LRP10: variants seen among roughly 807,000 people sequenced by gnomAD.
The protein encoded by LRP10 is LDL receptor related protein 10, also known as low-density lipoprotein receptor-related protein 10.
A neutral mutation model predicts 58.5 loss-of-function variants in LRP10; 42 were observed. The ratio of observed to expected loss-of-function variants is 0.72; its 90% CI spans 0.56 to 0.93. LRP10 has a LOEUF of 0.93. LRP10 is among the 40% of genes least tolerant of loss of function. The pLI is 0.00. For synonymous variants in LRP10, 377 were observed against 388.5 expected, an observed-to-expected ratio of 0.97 and a Z score of 0.35; for missense variants, 872 against 940.1, an observed-to-expected ratio of 0.93 and a Z score of 0.95.
Position 22,877,779 on chromosome 14 carries a change from C to A in LRP10, c.*252C>A. The A allele has an allele frequency of 2.3e-5, 9 of 398,574 alleles. No individual in the cohort carries two copies. Among genetic ancestry groups the A allele is most frequent in the South Asian group, 8.0e-5 (1 of 12,454 alleles). The allele number at this position is 398,574 out of a possible 1,614,324, so 24.7% of individuals were successfully genotyped here. A position where few individuals can be genotyped will look rare whatever the true frequency, so the allele number is the denominator to read the frequency against. ...ACCCCAGTCCCTTCACCACCACCTG[C>A]TCCCCACGCCACCACCATTTGGGTG... On this transcript the variant is annotated 3_prime_UTR_variant, in exon 7 of 7. Coordinates refer to ENST00000359591, the MANE Select transcript of LRP10 (RefSeq NM_014045.5). The surrounding 1 kb of genome is among the most constrained non-coding windows in gnomAD (Gnocchi z 5.1).
At position 22,880,624 on chromosome 14, in the gene LRP10, C is replaced by T. The variant is rs2040052551; in HGVS notation, c.*3097C>T. 6.6e-6 allele frequency: 1 copy of T among 152,058 alleles called. No homozygotes were observed. Among genetic ancestry groups the T allele is most frequent in the Non-Finnish European group, 1.5e-5 (1 of 68,042 alleles). The allele number at this position is 152,058 out of a possible 1,614,324, so 9.4% of individuals were successfully genotyped here. A position where few individuals can be genotyped will look rare whatever the true frequency, so the allele number is the denominator to read the frequency against. On this transcript the variant is annotated 3_prime_UTR_variant, in exon 7 of 7. Transcript: ENST00000359591. Reference sequence around the variant, plus strand: ...TAGATTTAAAAAAAAAATCATGGGCCTGAACCAAGCTCCAGACCTCACTAG... The same window carrying T: ...TAGATTTAAAAAAAAAATCATGGGCTTGAACCAAGCTCCAGACCTCACTAG...
rs139720236 is a variant in LRP10, at chr14:22,877,403, G to A, written c.2018G>A (p.Arg673Gln). The A allele has an allele frequency of 8.1e-6, 13 of 1,613,646 alleles. No individual in the cohort carries two copies. The highest frequency in any genetic ancestry group is 2.2e-5 in the East Asian group (1 of 44,892). The stretch of plus-strand genomic sequence containing the variant: ...AGCCTGGGGCCCCCAGGACCAACCC[G>A]GAGCCCCCCTGGACCCCACACAGCA... ...LPSLGPPGPT[R>Q]SPPGPHTAVL... The change falls in exon 7 of 7, where the codon CGG (arginine) becomes CAG (glutamine). Residue 673 changes from arginine to glutamine, a missense_variant. Transcript: ENST00000359591. This position sits in a 1 kb window ranked among gnomAD's most constrained non-coding sequence, Gnocchi z 5.1.
chr14:22,873,386 C>A lies in LRP10; in HGVS notation c.155C>A (p.Thr52Asn). The part of the protein sequence containing the change: ...LQRPLVRDSR[T>N]SPANCTWLIL... ...AGGCCCCTGGTCCGGGACAGCCGCA[C>A]CTCCCCTGCCAACTGCACCTGGCTC... Residue 52 changes from threonine to asparagine, a missense_variant, in exon 3 of 7, where the codon ACC (threonine) becomes AAC (asparagine). Coordinates refer to ENST00000359591, the MANE Select transcript of LRP10 (RefSeq NM_014045.5). 1 of 1,614,160 alleles carries A rather than the reference C, an allele frequency of 6.2e-7. No individual in the cohort carries two copies. The highest frequency in any genetic ancestry group is 2.2e-5 in the East Asian group (1 of 44,886).
Position 22,876,703 on chromosome 14 carries a change from T to C in LRP10, c.1439T>C (p.Leu480Pro), listed in dbSNP as rs377543292. The C allele has an allele frequency of 3.7e-6, 6 of 1,613,528 alleles. No homozygotes were observed. In the African/African-American group the frequency reaches 6.7e-5, roughly 18 times the overall value. Reference sequence around the variant, plus strand: ...ATTCCTTCTAGCATCTTTGCCCCCCTCTCCCGGATGGAGGCTGAGATTGTG... The same window carrying C: ...ATTCCTTCTAGCATCTTTGCCCCCCCCTCCCGGATGGAGGCTGAGATTGTG... ...RTQEYSIFAP[L>P]SRMEAEIVQQ... Residue 480 changes from leucine to proline, a missense_variant, in exon 6 of 7, where the codon CTC becomes CCC. Coordinates refer to ENST00000359591, the MANE Select transcript of LRP10 (RefSeq NM_014045.5).
At position 22,875,556 on chromosome 14, in the gene LRP10, TCTC is replaced by T. The variant is rs1186598270; in HGVS notation, c.612_614del (p.Ser205del). ...ACCTTGGAGGACTTCTATGGGGTCT[TCTC>T]CTCTCCTGGATATACACACCTAGCC... is the stretch of plus-strand genomic sequence containing the variant. On this transcript the variant is annotated inframe_deletion, in exon 5 of 7. Transcript: ENST00000359591. The T allele has an allele frequency of 1.2e-6, 2 of 1,613,972 alleles. No homozygotes were observed. Among genetic ancestry groups the T allele is most frequent in the African/African-American group, 1.3e-5 (1 of 74,998 alleles).
chr14:22,874,465 T>C (rs766848262), intron 3 of LRP10, among the ~76,000 whole-genome samples: 1 of 152,238 alleles, frequency 6.6e-6, no homozygotes, highest in Non-Finnish European at 1.5e-5. Context: ...GTGCACCTCT[T>C]CTTAACTCAG....
In LRP10 at chr14:22,876,134, T is replaced by A; in HGVS notation, c.1186T>A (p.Cys396Ser). Reference protein sequence around the residue: ...FCADGADERRCRHCQPGNFRC... With the variant: ...FCADGADERRSRHCQPGNFRC... ...TGCTGATGGAGCAGATGAGAGACGC[T>A]GTCGGCATTGCCAGCCTGGCAATTT... Residue 396 changes from cysteine (C) to serine (S), a missense_variant, in exon 5 of 7, where the codon TGT (cysteine) becomes AGT (serine). By Grantham distance (112) the Cys-to-Ser change is moderately radical (BLOSUM62 -1). Coordinates refer to ENST00000359591, the MANE Select transcript of LRP10 (RefSeq NM_014045.5). The A allele has an allele frequency of 1.2e-6, 2 of 1,614,214 alleles. No individual in the cohort carries two copies. The highest frequency in any genetic ancestry group is 1.7e-6 in the Non-Finnish European group (2 of 1,180,048).
In LRP10 at chr14:22,881,583, T is replaced by G. The variant is rs1566496851; in HGVS notation, c.*4056T>G. On this transcript the variant is annotated 3_prime_UTR_variant, in exon 7 of 7. Coordinates refer to ENST00000359591, the MANE Select transcript of LRP10 (RefSeq NM_014045.5). ...GCATATGAGTGCTTTAAATGTTATT[T>G]TGTGTGTGTGTGGTGTTGCCTCCCT... The G allele has an allele frequency of 6.6e-6, 1 of 152,134 alleles. No homozygotes were observed. The highest frequency in any genetic ancestry group is 1.9e-4 in the East Asian group (1 of 5,198). 9.4% of individuals were successfully genotyped at this position (152,134 alleles called of 1,614,324 possible).
chr14:22,878,044 G>A lies in LRP10; in HGVS notation c.*517G>A, dbSNP rs557405355. On this transcript the variant is annotated 3_prime_UTR_variant, in exon 7 of 7. Transcript: ENST00000359591. ...TATTCCATAGCTACGGCATTGCTCAGTAAGTTGAGGTCAAAAATAAAGGAA... is the reference window on the plus strand; with the variant it reads ...TATTCCATAGCTACGGCATTGCTCAATAAGTTGAGGTCAAAAATAAAGGAA... 10 of 152,844 alleles carry A rather than the reference G, an allele frequency of 6.5e-5. No individual in the cohort carries two copies. The highest frequency in any genetic ancestry group is 3.9e-4 in the Admixed American group (6 of 15,312). The allele number at this position is 152,844 out of a possible 1,614,324, so 9.5% of individuals were successfully genotyped here. A position where few individuals can be genotyped will look rare whatever the true frequency, so the allele number is the denominator to read the frequency against.
rs375605405 is a variant in LRP10 at position 22,876,252 on chromosome 14, A to G, written c.1304A>G (p.Tyr435Cys). The G allele has an allele frequency of 1.9e-5, 31 of 1,614,050 alleles. No individual in the cohort carries two copies. The highest frequency in any genetic ancestry group is 4.0e-5 in the African/African-American group (3 of 74,930). Residue 435 changes from tyrosine (Y) to cysteine (C), a missense_variant, in exon 5 of 7, where the codon TAT (tyrosine) becomes TGT (cysteine). Transcript: ENST00000359591. Reference protein sequence around the residue: ...ADGSDEWDCSYVLPRKVITAA... With the variant: ...ADGSDEWDCSCVLPRKVITAA... ...GGCAGTGATGAGTGGGACTGCTCCT[A>G]TGTTCTGCCCCGCAAGGTCATTACA...
Position 22,877,321 on chromosome 14 carries a change from C to G in LRP10, c.1936C>G (p.Leu646Val). The G allele has an allele frequency of 6.2e-7, 1 of 1,612,352 alleles. No individual in the cohort carries two copies. Among genetic ancestry groups the G allele is most frequent in the African/African-American group, 1.3e-5 (1 of 75,028 alleles). The change falls in exon 7 of 7, where the codon CTA becomes GTA. Residue 646 changes from leucine (L) to valine (V), a missense_variant. Transcript: ENST00000359591. This position sits in a 1 kb window ranked among gnomAD's most constrained non-coding sequence, Gnocchi z 5.1. ...EAPGPLPSLP[L>V]EPSLLSGVVQ... ...CCCAGGGCCACTGCCCTCACTGCCC[C>G]TAGAGCCATCACTATTGTCTGGAGT...
rs551137343 is a variant in LRP10, at chr14:22,873,062, A to G, written c.80-249A>G. ...CAGTATTTCCTGCTCCTCCTGGTTC[A>G]GTGGCTGGCACAAAGCAGACGTCAG... On this transcript the variant is annotated intron_variant, in intron 2 of 6. Coordinates refer to ENST00000359591, the MANE Select transcript of LRP10 (RefSeq NM_014045.5). 105 of 601,868 alleles carry G rather than the reference A, an allele frequency of 1.7e-4. No homozygotes were observed. The South Asian group carries it at 2.1e-3, about 12-fold the overall frequency. The allele number at this position is 601,868 out of a possible 1,614,324, so 37.3% of individuals were successfully genotyped here.
At position 22,872,953 on chromosome 14, in the gene LRP10, A is replaced by G. The variant is rs912588457; in HGVS notation, c.79+171A>G. The G allele has an allele frequency of 2.6e-4, 170 of 661,210 alleles. 1 individual carries two copies. The highest frequency in any genetic ancestry group is 3.6e-4 in the Non-Finnish European group (137 of 383,322). 41.0% of individuals were successfully genotyped at this position (661,210 alleles called of 1,614,324 possible). A position where few individuals can be genotyped will look rare whatever the true frequency, so the allele number is the denominator to read the frequency against. Reference sequence around the variant, plus strand: ...GGCTCGGTGTGGACCTTCATCTGGTAGTTGCTATGTACTATTTTATTTTTT... The same window carrying G: ...GGCTCGGTGTGGACCTTCATCTGGTGGTTGCTATGTACTATTTTATTTTTT... On this transcript the variant is annotated intron_variant, in intron 2 of 6. Coordinates refer to ENST00000359591, the MANE Select transcript of LRP10 (RefSeq NM_014045.5).
intron 2 of LRP10, 29 bp from the exon 3 acceptor site, chr14:22,873,282 C>T (rs1387649208): frequency 1.9e-6 from 3 of 1,602,894 alleles, no homozygotes; most frequent in Admixed American, 1.7e-5. Flanking sequence ...GGGCTGTCTA[C>T]TACCCGTGTC....
chr14:22,876,811 C>A lies in LRP10; in HGVS notation c.1547C>A (p.Pro516His), dbSNP rs759840747. ...GTAGAAGACTTTCCTACAGAGAATC[C>A]TAATGATGTAAGTCACTCCCCACAA... is the stretch of plus-strand genomic sequence containing the variant. Reference protein sequence around the residue: ...PPVEDFPTENPNDNSVLGNLR... With the variant: ...PPVEDFPTENHNDNSVLGNLR... The change falls in exon 6 of 7, where the codon CCT (proline) becomes CAT (histidine). Residue 516 changes from proline to histidine, a missense_variant. By Grantham distance (77) the Pro-to-His change is moderately conservative (BLOSUM62 -2). Coordinates refer to ENST00000359591, the MANE Select transcript of LRP10 (RefSeq NM_014045.5). 30 of 1,613,568 alleles carry A rather than the reference C, an allele frequency of 1.9e-5. No homozygotes were observed. The highest frequency in any genetic ancestry group is 2.5e-5 in the Non-Finnish European group (29 of 1,179,782).
intron 3 of LRP10, among the ~76,000 whole-genome samples, chr14:22,874,435 GCTA>G (rs1259420632): frequency 6.6e-6 from 1 of 152,202 alleles, no homozygotes; most frequent in African/African-American, 2.4e-5. Context: ...GGGTGACAGT[GCTA>G]CAACAACTGG....
At position 22,872,330 on chromosome 14, in the gene LRP10, C is replaced by A; in HGVS notation, c.27C>A (p.Leu9=). MLLATLLL[L]LLGGALAHPD... ...TGCTGTTGGCCACCCTCCTCCTCCT[C>A]CTCCTTGGTAAGAACCGAAACGATA... Residue 9 remains leucine (L), a synonymous_variant, in exon 1 of 7, where the codon CTC becomes CTA. Coordinates refer to ENST00000359591, the MANE Select transcript of LRP10 (RefSeq NM_014045.5). 1 of 1,614,058 alleles carries A rather than the reference C, an allele frequency of 6.2e-7. No homozygotes were observed. Among genetic ancestry groups the A allele is most frequent in the Non-Finnish European group, 8.5e-7 (1 of 1,179,960 alleles).
Position 22,879,743 on chromosome 14 carries a change from G to A in LRP10, c.*2216G>A, listed in dbSNP as rs2295905. On this transcript the variant is annotated 3_prime_UTR_variant, in exon 7 of 7. Coordinates refer to ENST00000359591, the MANE Select transcript of LRP10 (RefSeq NM_014045.5). ...TAGGTTCTGGTTGTGTGCTGTACGA[G>A]GTGTAGGTAGTAATAATACTCTTGT... 0.096 allele frequency: 14,829 copies of A among 154,014 alleles called. 854 individuals are homozygous for A. The highest frequency in any genetic ancestry group is 0.16 in the East Asian group (860 of 5,232). 9.5% of individuals were successfully genotyped at this position (154,014 alleles called of 1,614,324 possible). A position where few individuals can be genotyped will look rare whatever the true frequency, so the allele number is the denominator to read the frequency against.
In LRP10 at chr14:22,880,921, T is replaced by G. The variant is rs2040055261; in HGVS notation, c.*3394T>G. On this transcript the variant is annotated 3_prime_UTR_variant, in exon 7 of 7. Transcript: ENST00000359591. ...CGGGAGGCTGAAGCAGGAGAATCAC[T>G]TGAACCTGGGAGGCAAAGGTTGCAG... is the stretch of plus-strand genomic sequence containing the variant. 6.6e-6 allele frequency: 1 copy of G among 152,208 alleles called. No individual in the cohort carries two copies. Among genetic ancestry groups the G allele is most frequent in the African/African-American group, 2.4e-5 (1 of 41,432 alleles). The allele number at this position is 152,208 out of a possible 1,614,324, so 9.4% of individuals were successfully genotyped here.
Sources: allele counts gnomAD v4.1 joint callset (sites outside exome capture counted in the v4.1 genomes callset), GRCh38; gene constraint gnomAD v4.1.1; non-coding constraint Gnocchi (gnomAD v3.1); transcripts MANE v1.5; gene names NCBI Gene and HGNC (gene_info 2026-07-23, HGNC 2026-07-21).